DLG2: variants seen among roughly 807,000 people sequenced by gnomAD.
DLG2 encodes disks large homolog 2.
A neutral mutation model predicts 132.5 loss-of-function variants in DLG2; 45 were observed. The ratio of observed to expected loss-of-function variants is 0.34; its 90% CI spans 0.27 to 0.44. The LOEUF (loss-of-function observed/expected upper bound fraction) is 0.44. Among genes scored for constraint, DLG2 ranks in the 20% least tolerant of loss-of-function variants. The pLI is 1.00. For synonymous variants in DLG2, 424 were observed against 419.6 expected, an observed-to-expected ratio of 1.01 and a Z score of -0.13; for missense variants, 1,045 against 1,196.9, an observed-to-expected ratio of 0.87 and a Z score of 1.87.
chr11:83,726,743 G>T (rs1370414938), intron 18 of DLG2, among the ~76,000 whole-genome samples: 2 of 144,260 alleles, frequency 1.4e-5, no homozygotes, highest in Non-Finnish European at 3.0e-5. Flanking sequence ...CATCAGATCT[G>T]CCTGAAAACA....
chr11:84,115,592 C>T (rs893670385), intron 9 of DLG2, among the ~76,000 whole-genome samples: 1 of 152,192 alleles, frequency 6.6e-6, no homozygotes, highest in Non-Finnish European at 1.5e-5. Flanking sequence ...CTTTTATGGT[C>T]CTCCAACATT....
At chr11:85,282,907 T>G (rs993901763) in intron 4 of DLG2, among the ~76,000 whole-genome samples, 7 of 151,830 alleles carry the variant, frequency 4.6e-5, no homozygotes, top group Non-Finnish European at 8.8e-5. Flanking sequence ...TACACAGCCA[T>G]AAAAAGGAAC....
intron 11 of DLG2, among the ~76,000 whole-genome samples, chr11:84,045,903 C>T (rs940218214): frequency 5.3e-5 from 8 of 151,312 alleles, no homozygotes; most frequent in South Asian, 2.1e-4. Flanking sequence ...AAGAGTTGTC[C>T]GCTGTAGCCG....
chr11:83,959,246 G>A (rs2087817949), intron 14 of DLG2, among the ~76,000 whole-genome samples: 1 of 151,984 alleles, frequency 6.6e-6, no homozygotes, highest in African/African-American at 2.4e-5. Flanking sequence ...GGTTATTGTA[G>A]AATTATTTGA....
chr11:85,243,701 A>G (rs2076003795), intron 4 of DLG2, among the ~76,000 whole-genome samples: 1 of 152,024 alleles, frequency 6.6e-6, no homozygotes, highest in Non-Finnish European at 1.5e-5. Flanking sequence ...ATTAAAGGAA[A>G]TAAGATGTAG....
chr11:84,309,045 G>T (rs2098261499), intron 7 of DLG2, among the ~76,000 whole-genome samples: 1 of 152,184 alleles, frequency 6.6e-6, no homozygotes, highest in Admixed American at 6.5e-5. Flanking sequence ...CCAGGCAGAG[G>T]AGGCACCGAG....
chr11:84,284,330 G>A (rs1472649585), intron 7 of DLG2, among the ~76,000 whole-genome samples: 1 of 152,194 alleles, frequency 6.6e-6, no homozygotes, highest in Non-Finnish European at 1.5e-5. Context: ...ATGGCAAAAT[G>A]GCAAATGCCA....
intron 3 of DLG2, among the ~76,000 whole-genome samples, chr11:85,294,585 A>T (rs1164835313): frequency 2.6e-5 from 4 of 152,178 alleles, no homozygotes; most frequent in Admixed American, 6.6e-5. Context: ...TCACCTATAA[A>T]ATTTACATGT....
chr11:84,017,664 T>A (rs913602710), intron 11 of DLG2, among the ~76,000 whole-genome samples: 1 of 152,094 alleles, frequency 6.6e-6, no homozygotes, highest in African/African-American at 2.4e-5. Flanking sequence ...CATTTTCTTT[T>A]AGAAAGTAGC....
At chr11:84,537,093 C>T (rs1262862649) in intron 6 of DLG2, among the ~76,000 whole-genome samples, 1 of 151,924 alleles carries the variant, frequency 6.6e-6, no homozygotes, top group African/African-American at 2.4e-5. Flanking sequence ...TGCTGAACCC[C>T]CATTACTTCT....
chr11:84,846,787 T>C (rs2081533523), intron 6 of DLG2, among the ~76,000 whole-genome samples: 1 of 152,166 alleles, frequency 6.6e-6, no homozygotes, highest in Non-Finnish European at 1.5e-5. Context: ...TAAGAAAGCT[T>C]GTCAACTTCT....
intron 8 of DLG2, among the ~76,000 whole-genome samples, chr11:84,213,934 G>A (rs889027896): frequency 1.3e-5 from 2 of 150,924 alleles, no homozygotes; most frequent in Non-Finnish European, 2.9e-5. Flanking sequence ...TTGAATGGAG[G>A]ACTCTACCAA....
intron 3 of DLG2, among the ~76,000 whole-genome samples, chr11:85,463,294 T>C (rs1250267566): frequency 6.6e-6 from 1 of 152,170 alleles, no homozygotes; most frequent in Non-Finnish European, 1.5e-5. Flanking sequence ...AAAATGAAAG[T>C]TCAATCAGAA....
At chr11:84,035,916 G>C (rs1249218648) in intron 11 of DLG2, among the ~76,000 whole-genome samples, 1 of 152,118 alleles carries the variant, frequency 6.6e-6, no homozygotes, top group African/African-American at 2.4e-5. Flanking sequence ...TGATTCTTCT[G>C]TTTTTGGCCT....
intron 11 of DLG2, among the ~76,000 whole-genome samples, chr11:83,994,019 A>G (rs1220441051): frequency 6.6e-6 from 1 of 152,150 alleles, no homozygotes; most frequent in South Asian, 2.1e-4. Context: ...ATTCAGTAAC[A>G]TCTCCTCTGA....
At chr11:84,859,721 T>C (rs886962762) in intron 6 of DLG2, among the ~76,000 whole-genome samples, 4 of 151,886 alleles carry the variant, frequency 2.6e-5, no homozygotes, top group Non-Finnish European at 4.4e-5. Context: ...ACTGTGACAC[T>C]TGTAGCAAAA....
chr11:85,332,761 C>T (rs918465511), intron 3 of DLG2, among the ~76,000 whole-genome samples: 5 of 152,130 alleles, frequency 3.3e-5, no homozygotes, highest in African/African-American at 7.2e-5. Context: ...GATCAGATGA[C>T]TGTAGGTGTG....
At chr11:83,945,722 T>C (rs1185420815) in intron 14 of DLG2, among the ~76,000 whole-genome samples, 1 of 152,062 alleles carries the variant, frequency 6.6e-6, no homozygotes, top group East Asian at 1.9e-4. Flanking sequence ...GCAATGATTT[T>C]CTTTGCACAT....
chr11:83,850,160 G>GTGTGTGTGTGTGTGTGTGTT (rs1452960432), intron 16 of DLG2, among the ~76,000 whole-genome samples: 4 of 124,304 alleles, frequency 3.2e-5, no homozygotes, highest in Non-Finnish European at 5.0e-5. Context: ...GTGTGTGTGT[G>GTGTGTGTGTGTGTGTGTGTT]TTTTTTTACT....
Sources: allele counts gnomAD v4.1 joint callset (sites outside exome capture counted in the v4.1 genomes callset), GRCh38; gene constraint gnomAD v4.1.1; transcripts MANE v1.5; gene names NCBI Gene and HGNC (gene_info 2026-07-23, HGNC 2026-07-21).